ENO1: variants seen among roughly 807,000 people sequenced by gnomAD.
The protein encoded by ENO1 is enolase 1.
In ENO1, 33 loss-of-function variants were observed where a neutral mutation model predicts 46.3. The observed-to-expected ratio is 0.71, with a 90% CI of 0.54 to 0.95. ENO1 has a LOEUF of 0.95. Among genes scored for constraint, ENO1 ranks in the 40% least tolerant of loss-of-function variants. ENO1 has a pLI of 0.00. For synonymous variants in ENO1, 220 were observed against 216.0 expected, an observed-to-expected ratio of 1.02 and a Z score of -0.16; for missense variants, 488 against 553.3, an observed-to-expected ratio of 0.88 and a Z score of 1.18.
At chr1:8,871,084 T>C in intron 3 of ENO1, 1 of 1,221,484 alleles carries the variant, frequency 8.2e-7, no homozygotes, top group East Asian at 3.2e-5. Flanking sequence ...TCCGGCTAAG[T>C]CCCCACGTAC....
At chr1:8,870,958 G>A in intron 3 of ENO1, 1 of 1,248,166 alleles carries the variant, frequency 8.0e-7, no homozygotes, top group African/African-American at 1.5e-5. Context: ...CTGCGAGTGA[G>A]AGACAGTGAG....
In ENO1 at chr1:8,862,933, C is replaced by G; in HGVS notation, c.1189G>C (p.Ala397Pro). 6.2e-7 allele frequency: 1 copy of G among 1,614,122 alleles called. No homozygotes were observed. Among genetic ancestry groups the G allele is most frequent in the Non-Finnish European group, 8.5e-7 (1 of 1,179,978 alleles). ...GLCTGQIKTG[A>P]PCRSERLAKY... ...GCCAAGCGCTCAGATCGGCAAGGGG[C>G]ACCAGTCTTGATCTAGGAGAAAAGA... Residue 397 changes from alanine (A) to proline (P), a missense_variant, in exon 11 of 12, where the codon GCC (alanine) becomes CCC (proline). Coordinates refer to ENST00000234590, the MANE Select transcript of ENO1 (RefSeq NM_001428.5).
intron 3 of ENO1, chr1:8,871,496 C>T: frequency 9.8e-7 from 1 of 1,015,460 alleles, no homozygotes; most frequent in Non-Finnish European, 1.2e-6. Context: ...TCCCTGGATC[C>T]TTTCTAGCCC....
Position 8,874,857 on chromosome 1 carries a change from G to T in ENO1, c.52C>A (p.Pro18Thr), listed in dbSNP as rs1186220763. The T allele has an allele frequency of 6.2e-7, 1 of 1,613,798 alleles. No individual in the cohort carries two copies. The highest frequency in any genetic ancestry group is 1.3e-5 in the African/African-American group (1 of 75,006). Residue 18 changes from proline (P) to threonine (T), a missense_variant, in exon 2 of 12, where the codon CCC becomes ACC. Pro to Thr is a conservative substitution (Grantham distance 38, BLOSUM62 -1). Transcript: ENST00000234590. ...AREIFDSRGN[P>T]TVEVDLFTSK... ...GTGAAGAGATCAACCTCAACAGTGGGATTCCCGCGAGAGTCAAAGATCTCC... is the reference window on the plus strand; with the variant it reads ...GTGAAGAGATCAACCTCAACAGTGGTATTCCCGCGAGAGTCAAAGATCTCC...
chr1:8,865,274 G>A lies in ENO1; in HGVS notation c.865+11C>T. ...GGCAGGAAAGGGAGATGGCACTCGG[G>A]GAACACTCACCTGGGTAGTCCTTGA... is the stretch of plus-strand genomic sequence containing the variant. On this transcript the variant is annotated intron_variant, in intron 8 of 11. Transcript: ENST00000234590. The A allele has an allele frequency of 6.2e-7, 1 of 1,613,426 alleles. No homozygotes were observed. The highest frequency in any genetic ancestry group is 8.5e-7 in the Non-Finnish European group (1 of 1,179,482).
intron 9 of ENO1, among the ~76,000 whole-genome samples, 175 bp downstream of exon 9, chr1:8,863,716 A>G (rs142531994): frequency 3.3e-4 from 50 of 152,324 alleles, no homozygotes; most frequent in African/African-American, 1.1e-3. Context: ...TGTTGGGATT[A>G]CAGGCCCCAA....
At chr1:8,868,180 T>A in intron 4 of ENO1, 123 bp from the exon 5 acceptor site, 1 of 781,698 alleles carries the variant, frequency 1.3e-6, no homozygotes. Context: ...GATGTTTGTT[T>A]TATAAGCAAA....
rs984344807 is a variant in ENO1 at position 8,870,314 on chromosome 1, T to C, written c.240+138A>G. 4 of 1,096,048 alleles carry C rather than the reference T, an allele frequency of 3.6e-6. No homozygotes were observed. The African/African-American group carries it at 4.7e-5, about 13-fold the overall frequency. The allele number at this position is 1,096,048 out of a possible 1,614,324, so 67.9% of individuals were successfully genotyped here. ...AGGTTAGAATTATGTCATGCATGGA[T>C]TGTTCTCGTGCGTGACAGGGAATCC... On this transcript the variant is annotated intron_variant, in intron 4 of 11. Transcript: ENST00000234590.
chr1:8,871,225 T>C (rs1240482823), intron 3 of ENO1: 4 of 1,035,576 alleles, frequency 3.9e-6, no homozygotes, highest in Admixed American at 5.5e-5. Flanking sequence ...GATTTCATCA[T>C]TGTCCCCTCC....
rs377334028 is a variant in ENO1 at position 8,865,335 on chromosome 1, G to C, written c.815C>G (p.Ser272Trp). 5 of 1,614,072 alleles carry C rather than the reference G, an allele frequency of 3.1e-6. No homozygotes were observed. The highest frequency in any genetic ancestry group is 4.2e-6 in the Non-Finnish European group (5 of 1,180,040). ...GTACAGGTCAGCCAGCTGGTCAGGC[G>C]AGATGTACCTGCTGGGGTCATCGGG... The part of the protein sequence containing the change: ...KSPDDPSRYI[S>W]PDQLADLYKS... The change falls in exon 8 of 12, where the codon TCG (serine) becomes TGG (tryptophan). Residue 272 changes from serine (S) to tryptophan (W), a missense_variant. Ser to Trp is a radical substitution (Grantham distance 177). Transcript: ENST00000234590.
intron 1 of ENO1, chr1:8,875,667 G>T (rs570628003): frequency 6.6e-6 from 1 of 152,382 alleles, no homozygotes; most frequent in East Asian, 1.9e-4. Flanking sequence ...CAGGAACAAT[G>T]AAGTCCTTGG....
chr1:8,866,445 C>T lies in ENO1; in HGVS notation c.501G>A (p.Glu167=). Residue 167 remains glutamate, a synonymous_variant, in exon 7 of 12, where the codon GAG becomes GAA. Transcript: ENST00000234590. ...CTGCACCGACTGGGAGGATCATGAACTCCTGCATGGCCAGCTTGTTGCCAG... is the reference window on the plus strand; with the variant it reads ...CTGCACCGACTGGGAGGATCATGAATTCCTGCATGGCCAGCTTGTTGCCAG... The part of the protein sequence containing the change: ...SHAGNKLAMQ[E]FMILPVGAAN... The T allele has an allele frequency of 1.2e-6, 2 of 1,614,270 alleles. No individual in the cohort carries two copies. Among genetic ancestry groups the T allele is most frequent in the Non-Finnish European group, 1.7e-6 (2 of 1,180,056 alleles).
intron 2 of ENO1, chr1:8,873,793 C>T (rs1185112339): frequency 6.6e-6 from 1 of 152,242 alleles, no homozygotes; most frequent in African/African-American, 2.4e-5. Context: ...TCAGCTCCGA[C>T]TGGCAGTTCT....
intron 10 of ENO1, 61 bp downstream of exon 10, chr1:8,863,174 G>A (rs750242166): frequency 6.3e-7 from 1 of 1,579,594 alleles, no homozygotes; most frequent in Non-Finnish European, 8.7e-7. Context: ...GAGCCTCACT[G>A]GTTTTGGGTC....
chr1:8,863,528 C>G (rs992232383), intron 9 of ENO1, among the ~76,000 whole-genome samples, 185 bp from the exon 10 acceptor site: 1 of 152,178 alleles, frequency 6.6e-6, no homozygotes, highest in Admixed American at 6.5e-5. Context: ...CTCTTCCACC[C>G]CCAGGACCTT....
At chr1:8,861,974 C>T (rs1054835884) in intron 11 of ENO1, among the ~76,000 whole-genome samples, 22 of 151,596 alleles carry the variant, frequency 1.5e-4, no homozygotes, top group African/African-American at 5.1e-4. Flanking sequence ...GGTGAAACCC[C>T]GTCTCTATTA....
chr1:8,862,806 T>TG lies in ENO1; in HGVS notation c.1235+80dup, dbSNP rs894328523. 1.0e-4 allele frequency: 152 copies of TG among 1,500,642 alleles called. No individual in the cohort carries two copies. The Admixed American group carries it at 3.0e-3, about 29-fold the overall frequency. 93.0% of individuals were successfully genotyped at this position (1,500,642 alleles called of 1,614,324 possible). ...ACATGTTCCCAGAGCCAGGAGCTCCTGGGGGAGGGCAGTGCCTACACTGAG... is the reference window on the plus strand; with the variant it reads ...ACATGTTCCCAGAGCCAGGAGCTCCTGGGGGGAGGGCAGTGCCTACACTGAG... On this transcript the variant is annotated intron_variant, in intron 11 of 11. Coordinates refer to ENST00000234590, the MANE Select transcript of ENO1 (RefSeq NM_001428.5).
intron 4 of ENO1, among the ~76,000 whole-genome samples, chr1:8,868,427 T>C (rs1346522085): frequency 2.0e-5 from 3 of 152,130 alleles, no homozygotes. Context: ...AGGCAATAAA[T>C]AAGCAAAGCT....
chr1:8,861,953 T>C (rs1174695973), intron 11 of ENO1, among the ~76,000 whole-genome samples: 1 of 150,600 alleles, frequency 6.6e-6, no homozygotes, highest in African/African-American at 2.4e-5. Context: ...CGAGGTCAGC[T>C]TGACCAATAT....
Sources: allele counts gnomAD v4.1 joint callset (sites outside exome capture counted in the v4.1 genomes callset), GRCh38; gene constraint gnomAD v4.1.1; transcripts MANE v1.5; gene names NCBI Gene and HGNC (gene_info 2026-07-23, HGNC 2026-07-21).